Variants in DEFB104A observed in about 807,000 individuals in gnomAD.
DEFB104A encodes the protein defensin beta 104A, also known as beta-defensin 104.
intron 1 of DEFB104A, among the ~76,000 whole-genome samples, chr8:7,839,256 G>T (rs1466428352): frequency 1.4e-5 from 2 of 144,478 alleles, no homozygotes; most frequent in Non-Finnish European, 3.1e-5. Context: ...CTCCCCTAAC[G>T]CTAAGCTTCG....
At chr8:7,839,155 C>G (rs1332407559) in intron 1 of DEFB104A, among the ~76,000 whole-genome samples, 1 of 145,452 alleles carries the variant, frequency 6.9e-6, no homozygotes, top group Non-Finnish European at 1.6e-5. Context: ...GCCTTCATTC[C>G]CATCTCTAAA....
At chr8:7,836,914 G>A (rs547881850) in intron 1 of DEFB104A, among the ~76,000 whole-genome samples, 2 of 142,562 alleles carry the variant, frequency 1.4e-5, no homozygotes, top group East Asian at 2.3e-4. Flanking sequence ...TGATTTTGTA[G>A]AATAAGATGC....
chr8:7,836,849 G>T (rs1817660135), intron 1 of DEFB104A, among the ~76,000 whole-genome samples: 1 of 141,664 alleles, frequency 7.1e-6, no homozygotes, highest in Non-Finnish European at 1.5e-5. Context: ...CCTCAGCAAT[G>T]AGGACTCACT....
At chr8:7,836,817 C>T (rs560437490) in intron 1 of DEFB104A, among the ~76,000 whole-genome samples, 2 of 142,900 alleles carry the variant, frequency 1.4e-5, no homozygotes, top group African/African-American at 2.6e-5. Context: ...TGGCCACACA[C>T]GGTAACAATT....
chr8:7,840,135 GCAAC>G (rs1406115328), intron 1 of DEFB104A, among the ~76,000 whole-genome samples: 51 of 150,894 alleles, frequency 3.4e-4, no homozygotes, highest in Non-Finnish European at 6.7e-4. Context: ...CTCTCTACTT[GCAAC>G]CACTCTAGTT....
At position 7,839,448 on chromosome 8, in the gene DEFB104A, G is replaced by C. The variant is rs1398537658; in HGVS notation, c.59-1586G>C. ...CATTGCCTTGTACTGTGACCACAAG[G>C]GCTTGCTTTTGAATGAAGCCTACAG... On this transcript the variant is annotated intron_variant, in intron 1 of 1. Coordinates refer to ENST00000314265, the MANE Select transcript of DEFB104A (RefSeq NM_080389.3). Among the ~76,000 whole-genome samples, 579 of 140,644 alleles carry C rather than the reference G, an allele frequency of 4.1e-3. 3 individuals are homozygous for C. The highest frequency in any genetic ancestry group is 0.014 in the African/African-American group (559 of 39,026). The allele number at this position is 140,644 out of a possible 152,430, so 92.3% of individuals were successfully genotyped here.
Position 7,841,113 on chromosome 8 carries a change from CA to C in DEFB104A, c.139del (p.Arg47GlufsTer13). The C allele has an allele frequency of 6.5e-7, 1 of 1,536,932 alleles. No homozygotes were observed. The highest frequency in any genetic ancestry group is 8.9e-7 in the Non-Finnish European group (1 of 1,122,706). On this transcript the variant is annotated frameshift_variant, in exon 2 of 2. Transcript: ENST00000314265. LOFTEE classifies it high-confidence loss of function. Reference sequence around the variant, plus strand: ...GGAAGAAATGTCGCAGCCAAGAATACAGAATTGGAAGATGTCCCAACACCTA... The same window carrying C: ...GGAAGAAATGTCGCAGCCAAGAATACGAATTGGAAGATGTCCCAACACCTA... ...CRKKCRSQEYRIGRCPNTYAC... is the reference protein window; with the variant it reads ...CRKKCRSQEYXIGRCPNTYAC...
chr8:7,837,432 G>T (rs907489520), intron 1 of DEFB104A, among the ~76,000 whole-genome samples: 2 of 142,788 alleles, frequency 1.4e-5, no homozygotes, highest in Non-Finnish European at 3.0e-5. Flanking sequence ...TGCCCTTCCG[G>T]GCTGTGCCTC....
intron 1 of DEFB104A, among the ~76,000 whole-genome samples, chr8:7,840,108 T>G (rs1817731070): frequency 1.3e-5 from 2 of 152,148 alleles, no homozygotes; most frequent in Non-Finnish European, 2.9e-5. Context: ...AGGATTCTGC[T>G]CCTTTCTAGT....
At chr8:7,838,743 T>C (rs1489380931) in intron 1 of DEFB104A, among the ~76,000 whole-genome samples, 2 of 141,402 alleles carry the variant, frequency 1.4e-5, no homozygotes, top group Non-Finnish European at 3.2e-5. Flanking sequence ...TTGATTGATG[T>C]ATTATGTCTC....
intron 1 of DEFB104A, among the ~76,000 whole-genome samples, chr8:7,839,165 A>G (rs1817708349): frequency 6.9e-6 from 1 of 145,570 alleles, no homozygotes; most frequent in Non-Finnish European, 1.6e-5. Context: ...CCATCTCTAA[A>G]TAGATGGCCT....
intron 1 of DEFB104A, among the ~76,000 whole-genome samples, chr8:7,838,723 C>T (rs1471747481): frequency 7.1e-6 from 1 of 141,056 alleles, no homozygotes; most frequent in Non-Finnish European, 1.6e-5. Context: ...CAAAGCAAAT[C>T]TTACACGTCT....
intron 1 of DEFB104A, among the ~76,000 whole-genome samples, chr8:7,838,603 C>T (rs1293882812): frequency 6.9e-6 from 1 of 145,908 alleles, no homozygotes; most frequent in Non-Finnish European, 1.5e-5. Context: ...TCGCTTGAAC[C>T]CAAGAGGTGG....
Position 7,837,153 on chromosome 8 carries a change from A to T in DEFB104A, c.58+611A>T, listed in dbSNP as rs142145250. 2.2e-5 allele frequency among the ~76,000 whole-genome samples: 3 copies of T among 139,084 alleles called. No individual in the cohort carries two copies. In the South Asian group the frequency reaches 7.7e-4, roughly 36 times the overall value. The allele number at this position is 139,084 out of a possible 152,430, so 91.2% of individuals were successfully genotyped here. A position where few individuals can be genotyped will look rare whatever the true frequency, so the allele number is the denominator to read the frequency against. The stretch of plus-strand genomic sequence containing the variant: ...AGATGTCAGCAATCTTCTGACTCCT[A>T]CGTTAATCTATGTCCCCAGAAGCAT... On this transcript the variant is annotated intron_variant, in intron 1 of 1. Transcript: ENST00000314265.
At chr8:7,839,023 G>A (rs1169859852) in intron 1 of DEFB104A, among the ~76,000 whole-genome samples, 1 of 142,796 alleles carries the variant, frequency 7.0e-6, no homozygotes, top group African/African-American at 2.5e-5. Context: ...TTAGTGTATG[G>A]ACTGCATTCT....
At chr8:7,838,615 G>A (rs1381566904) in intron 1 of DEFB104A, among the ~76,000 whole-genome samples, 7 of 146,168 alleles carry the variant, frequency 4.8e-5, no homozygotes, top group Non-Finnish European at 1.5e-5. Context: ...AAGAGGTGGA[G>A]GTTGCAGTGA....
At chr8:7,836,837 A>C (rs1585697037) in intron 1 of DEFB104A, among the ~76,000 whole-genome samples, 1 of 141,822 alleles carries the variant, frequency 7.1e-6, no homozygotes, top group Non-Finnish European at 1.5e-5. Flanking sequence ...TCCTCATGGA[A>C]TCCTCAGCAA....
chr8:7,836,810 C>T (rs1184033217), intron 1 of DEFB104A, among the ~76,000 whole-genome samples: 2 of 143,234 alleles, frequency 1.4e-5, no homozygotes, highest in Non-Finnish European at 3.0e-5. Flanking sequence ...GGCACCCTGG[C>T]CACACACGGT....
At chr8:7,839,124 T>G (rs1419176401) in intron 1 of DEFB104A, among the ~76,000 whole-genome samples, 30 of 145,132 alleles carry the variant, frequency 2.1e-4, no homozygotes, top group African/African-American at 7.4e-4. Flanking sequence ...TGACGTCAGA[T>G]TAGTCACTTT....
Sources: allele counts gnomAD v4.1 joint callset (sites outside exome capture counted in the v4.1 genomes callset), GRCh38; gene constraint gnomAD v4.1.1; transcripts MANE v1.5; gene names NCBI Gene and HGNC (gene_info 2026-07-23, HGNC 2026-07-21).